ADAMTSL1: variants seen among roughly 807,000 people sequenced by gnomAD.
ADAMTSL1 encodes the protein ADAMTS like 1.
A neutral mutation model predicts 201.8 loss-of-function variants in ADAMTSL1; 126 were observed. The observed-to-expected ratio is 0.62, with a 90% CI of 0.54 to 0.72. ADAMTSL1 has a LOEUF of 0.72. Ranked by LOEUF, ADAMTSL1 falls within the 30% of genes least tolerant of loss-of-function variation. ADAMTSL1 has a pLI of 0.00. For synonymous variants in ADAMTSL1, 1,121 were observed against 903.4 expected (o/e 1.24, Z -4.32); for missense variants, 2,679 against 2,277.8 (o/e 1.18, Z -3.59).
At chr9:18,322,072 T>C (rs563356501) in intron 2 of ADAMTSL1, among the ~76,000 whole-genome samples, 1 of 152,146 alleles carries the variant, frequency 6.6e-6, no homozygotes, top group Non-Finnish European at 1.5e-5. Context: ...GATTAATAAA[T>C]ACTGCAAACT....
At chr9:18,602,767 A>G (rs1017907037) in intron 4 of ADAMTSL1, among the ~76,000 whole-genome samples, 12 of 152,206 alleles carry the variant, frequency 7.9e-5, no homozygotes, top group African/African-American at 2.4e-4. Context: ...TAGGTAATCT[A>G]TGATATCTAG....
intron 20 of ADAMTSL1, among the ~76,000 whole-genome samples, chr9:18,810,775 C>T (rs1044969100): frequency 8.6e-5 from 13 of 152,046 alleles, no homozygotes; most frequent in Admixed American, 2.0e-4. Flanking sequence ...CACAGGACTT[C>T]GACTTCTGGA....
chr9:18,289,765 C>A lies in ADAMTSL1; in HGVS notation c.207+125784C>A, dbSNP rs1009395145. On this transcript the variant is annotated intron_variant, in intron 2 of 29. Coordinates refer to the ADAMTSL1 transcript ENST00000680146. The stretch of plus-strand genomic sequence containing the variant: ...ATTCAGCTGTTGATACCTAGAGAGA[C>A]ACCAGCTCTATTTTTTAATATTCGG... Among the ~76,000 whole-genome samples, 7 of 152,202 alleles carry A rather than the reference C, an allele frequency of 4.6e-5. 1 individual carries two copies. The highest frequency in any genetic ancestry group is 4.1e-4 in the South Asian group (2 of 4,834).
chr9:18,043,962 A>G (rs1301555507), intron 1 of ADAMTSL1, among the ~76,000 whole-genome samples: 1 of 146,774 alleles, frequency 6.8e-6, no homozygotes, highest in Non-Finnish European at 1.5e-5. Context: ...CAACCATGCT[A>G]TACCCCTCTT....
At chr9:18,192,289 C>T (rs1212187100) in intron 2 of ADAMTSL1, among the ~76,000 whole-genome samples, 1 of 152,104 alleles carries the variant, frequency 6.6e-6, no homozygotes, top group Non-Finnish European at 1.5e-5. Context: ...TAGAGCATGT[C>T]AGGAAGGCTA....
rs145210291 is a variant in ADAMTSL1 at position 18,706,733 on chromosome 9, C to T, written c.1575-14C>T. The T allele has an allele frequency of 2.1e-5, 33 of 1,581,198 alleles. No homozygotes were observed. The East Asian group carries it at 6.2e-4, about 30-fold the overall frequency. ...GCTTCTCATCCTGTCCTCTTGTTTG[C>T]TTGCCGACTGCAGGTTCATCCCAGA... On this transcript the variant is annotated splice_polypyrimidine_tract_variant and intron_variant, in intron 13 of 28. Transcript: ENST00000380548.
chr9:18,586,278 A>T (rs1259439323), intron 4 of ADAMTSL1, among the ~76,000 whole-genome samples: 2 of 152,218 alleles, frequency 1.3e-5, no homozygotes, highest in East Asian at 3.8e-4. Context: ...AATCATTAGC[A>T]TTCCTGTACA....
intron 14 of ADAMTSL1, among the ~76,000 whole-genome samples, chr9:18,708,804 G>T (rs1832382087): frequency 6.6e-6 from 1 of 152,120 alleles, no homozygotes; most frequent in Admixed American, 6.5e-5. Context: ...ATGAACAGAT[G>T]GAAAAAATAG....
chr9:18,353,082 T>A (rs1836047904), intron 2 of ADAMTSL1, among the ~76,000 whole-genome samples: 1 of 152,230 alleles, frequency 6.6e-6, no homozygotes, highest in African/African-American at 2.4e-5. Context: ...GGTTCCTCTG[T>A]TATAGTGATT....
At chr9:17,946,653 A>G (rs559049641) in intron 1 of ADAMTSL1, among the ~76,000 whole-genome samples, 1 of 152,264 alleles carries the variant, frequency 6.6e-6, no homozygotes, top group South Asian at 2.1e-4. Flanking sequence ...TCCCACCAGT[A>G]GAAGCTATTA....
Position 18,200,854 on chromosome 9 carries a change from A to T in ADAMTSL1, c.207+36873A>T, listed in dbSNP as rs559333904. Among the ~76,000 whole-genome samples the T allele has an allele frequency of 7.9e-5, 12 of 152,158 alleles. No individual in the cohort carries two copies. In the South Asian group the frequency reaches 8.3e-4, roughly 11 times the overall value. On this transcript the variant is annotated intron_variant, in intron 2 of 29. Transcript: ENST00000680146. ...AAGGATAAACAAAATAGGATAACTA[A>T]TTACAAAGAAAAAGTCATGATGACC... is the stretch of plus-strand genomic sequence containing the variant.
chr9:18,125,443 A>T (rs495594), intron 1 of ADAMTSL1, among the ~76,000 whole-genome samples: 23,374 of 152,160 alleles, frequency 0.15, 1,941 homozygotes, highest in East Asian at 0.22. Context: ...AGTCCAATTT[A>T]TTTATTTTTT....
intron 1 of ADAMTSL1, among the ~76,000 whole-genome samples, chr9:17,985,148 G>C (rs1391247153): frequency 6.6e-6 from 1 of 152,072 alleles, no homozygotes; most frequent in Non-Finnish European, 1.5e-5. Flanking sequence ...TTCAGCTTTT[G>C]CTTGAGACTT....
At chr9:18,005,960 A>T (rs1335337487) in intron 1 of ADAMTSL1, among the ~76,000 whole-genome samples, 1 of 151,924 alleles carries the variant, frequency 6.6e-6, no homozygotes, top group Non-Finnish European at 1.5e-5. Flanking sequence ...AGACTTATTG[A>T]TATGTGGGAG....
rs112886805 is a variant in ADAMTSL1, at chr9:18,127,481, AACACACACACACACACAC to A, written c.88-36357_88-36340del. Reference sequence around the variant, plus strand: ...GTGGTGCATGCATAGGCACATACACAACACACACACACACACACACACACACACACACACACACACAAC... The same window carrying A: ...GTGGTGCATGCATAGGCACATACACAACACACACACACACACACACACAAC... On this transcript the variant is annotated intron_variant, in intron 1 of 29. Transcript: ENST00000680146. Among the ~76,000 whole-genome samples, 268 of 146,244 alleles carry A rather than the reference AACACACACACACACACAC, an allele frequency of 1.8e-3. 1 individual carries two copies. Among genetic ancestry groups the A allele is most frequent in the African/African-American group, 6.6e-3 (256 of 38,626 alleles).
At chr9:18,243,953 T>A (rs186298447) in intron 2 of ADAMTSL1, among the ~76,000 whole-genome samples, 10 of 152,204 alleles carry the variant, frequency 6.6e-5, no homozygotes, top group Admixed American at 5.9e-4. Flanking sequence ...AGTCATATGC[T>A]CTTCTTCAAT....
chr9:18,394,453 A>G (rs545741139), intron 2 of ADAMTSL1, among the ~76,000 whole-genome samples: 72 of 152,290 alleles, frequency 4.7e-4, no homozygotes, highest in African/African-American at 1.7e-3. Context: ...GACCAAATCA[A>G]AAAGGATAGA....
At chr9:18,891,293 C>T (rs868474334) in intron 25 of ADAMTSL1, among the ~76,000 whole-genome samples, 1 of 152,240 alleles carries the variant, frequency 6.6e-6, no homozygotes, top group African/African-American at 2.4e-5. Context: ...CTTTGAGATA[C>T]AACTGGGTAA....
chr9:18,140,774 C>T (rs1431480704), intron 1 of ADAMTSL1, among the ~76,000 whole-genome samples: 4 of 152,176 alleles, frequency 2.6e-5, no homozygotes, highest in Non-Finnish European at 4.4e-5. Flanking sequence ...GGATAGCAGT[C>T]TCTGGCCTGG....
Sources: gnomAD v4.1 joint callset for allele counts (sites outside exome capture counted in the v4.1 genomes callset) on GRCh38, gnomAD v4.1.1 for gene constraint, MANE v1.5 for transcripts, NCBI Gene and HGNC (gene_info 2026-07-23, HGNC 2026-07-21) for gene names.